Variants in GSDMC observed in about 807,000 individuals in gnomAD.
GSDMC encodes the protein gasdermin-C.
GSDMC carries 59 observed loss-of-function variants against 58.0 expected under a neutral mutation model. The ratio of observed to expected loss-of-function variants is 1.02; its 90% CI spans 0.82 to 1.26. The LOEUF is 1.26. Ranked by LOEUF, GSDMC falls within the 50% of genes most tolerant of loss-of-function variation. GSDMC has a pLI of 0.00. For missense variants in GSDMC, 659 were observed against 598.5 expected, an observed-to-expected ratio of 1.10 and a Z score of -1.06; for synonymous variants, 241 against 220.2, an observed-to-expected ratio of 1.09 and a Z score of -0.83.
In GSDMC at chr8:129,776,206, A is replaced by G; in HGVS notation, c.300T>C (p.Gly100=). 1.2e-6 allele frequency: 2 copies of G among 1,613,698 alleles called. No individual in the cohort carries two copies. Among genetic ancestry groups the G allele is most frequent in the Non-Finnish European group, 1.7e-6 (2 of 1,179,624 alleles). Residue 100 remains glycine (G), a synonymous_variant, in exon 3 of 14, where the codon GGT becomes GGC. Coordinates refer to ENST00000276708, the MANE Select transcript of GSDMC (RefSeq NM_031415.3). ...KHKADMGVNV[G]IEVSVSGEAS... is the part of the protein sequence containing the mutation. Reference sequence around the variant, plus strand: ...CCTCCCCTGACACACTCACTTCTATACCAACATTCACACCCATGTCAGCCT... The same window carrying G: ...CCTCCCCTGACACACTCACTTCTATGCCAACATTCACACCCATGTCAGCCT...
rs1231505866 is a variant in GSDMC, at chr8:129,748,572, C to T, written c.1456G>A (p.Val486Ile). 3.7e-6 allele frequency: 6 copies of T among 1,613,810 alleles called. No individual in the cohort carries two copies. Among genetic ancestry groups the T allele is most frequent in the Middle Eastern group, 1.6e-4 (1 of 6,062 alleles). ...GCAGACAGGGGCATCTTTGCTTCTA[C>T]ATCCCAGGTTGACCTGGGGTTATCC... ...ELDNPRSTWD[V>I]EAKMPLSALY... is the part of the protein sequence containing the mutation. Residue 486 changes from valine (V) to isoleucine (I), a missense_variant, in exon 14 of 14, where the codon GTA (valine) becomes ATA (isoleucine). Transcript: ENST00000276708.
At chr8:129,773,812 T>C (rs2034137466) in intron 3 of GSDMC, among the ~76,000 whole-genome samples, 1 of 149,920 alleles carries the variant, frequency 6.7e-6, no homozygotes, top group African/African-American at 2.4e-5. Flanking sequence ...AGTCCGTTTA[T>C]AATAGCATCA....
chr8:129,757,499 A>G (rs1190701508), intron 6 of GSDMC, among the ~76,000 whole-genome samples: 1 of 152,048 alleles, frequency 6.6e-6, no homozygotes, highest in Middle Eastern at 3.2e-3. Flanking sequence ...TACTAGTCCT[A>G]CTCAAACTAC....
the GSDMC span, among the ~76,000 whole-genome samples, chr8:129,706,227 A>G: frequency 4.6e-5 from 7 of 152,202 alleles, no homozygotes; most frequent in Non-Finnish European, 7.3e-5. Flanking sequence ...CCACCAAAAA[A>G]AGTCAGAGGA....
the GSDMC span, chr8:129,728,818 G>A: frequency 3.0e-5 from 17 of 560,556 alleles, no homozygotes; most frequent in Admixed American, 5.5e-5. Context: ...CCAGGCGGAC[G>A]GACCCTGAGC....
downstream of GSDMC, among the ~76,000 whole-genome samples, chr8:129,744,064 A>G (rs537622011): frequency 1.3e-5 from 1 of 76,686 alleles, no homozygotes; most frequent in East Asian, 6.4e-4. Flanking sequence ...CTTTCCTAGA[A>G]CTCTGCCCTA....
At chr8:129,748,150 T>A (rs1371612615), downstream of GSDMC, 2 of 164,922 alleles carry the variant, frequency 1.2e-5, no homozygotes, top group Non-Finnish European at 2.6e-5. Flanking sequence ...AAGTTACCGT[T>A]ATCGGTACAC....
chr8:129,715,151 G>T, the GSDMC span, among the ~76,000 whole-genome samples: 8 of 152,134 alleles, frequency 5.3e-5, no homozygotes, highest in Non-Finnish European at 1.5e-5. Flanking sequence ...GTCATAAACA[G>T]TGTCTCTTCC....
chr8:129,749,997 G>C lies in GSDMC; in HGVS notation c.1206C>G (p.Ala402=). The part of the protein sequence containing the change: ...PKDPILYLLE[A]IMVLSDFQHD... Reference sequence around the variant, plus strand: ...CCCTTTAATTACTCTTACCCATTATGGCTTCAAGGAGATAAAGAATGGGGT... The same window carrying C: ...CCCTTTAATTACTCTTACCCATTATCGCTTCAAGGAGATAAAGAATGGGGT... The change falls in exon 12 of 14, where the codon GCC becomes GCG. Residue 402 remains alanine, a synonymous_variant. Transcript: ENST00000276708. 1 of 1,595,138 alleles carries C rather than the reference G, an allele frequency of 6.3e-7. No individual in the cohort carries two copies. Among genetic ancestry groups the C allele is most frequent in the Non-Finnish European group, 8.5e-7 (1 of 1,174,624 alleles).
the GSDMC span, among the ~76,000 whole-genome samples, chr8:129,740,122 T>C: frequency 2.6e-5 from 4 of 152,346 alleles, no homozygotes; most frequent in Non-Finnish European, 4.4e-5. Context: ...GAAAATGTTA[T>C]GTACAGCTTT....
At chr8:129,746,739 A>G (rs1401862397), downstream of GSDMC, among the ~76,000 whole-genome samples, 1 of 152,176 alleles carries the variant, frequency 6.6e-6, no homozygotes, top group Non-Finnish European at 1.5e-5. Context: ...CAATAAGTCA[A>G]CGGGAGACCT....
chr8:129,728,817 C>T, the GSDMC span: 23 of 558,440 alleles, frequency 4.1e-5, no homozygotes, highest in South Asian at 2.2e-4. Flanking sequence ...CCCAGGCGGA[C>T]GGACCCTGAG....
chr8:129,729,565 G>T, the GSDMC span, among the ~76,000 whole-genome samples: 4 of 152,056 alleles, frequency 2.6e-5, no homozygotes, highest in East Asian at 7.7e-4. Flanking sequence ...GTGGTGTTTG[G>T]TTTTTTGTTC....
At position 129,774,299 on chromosome 8, in the gene GSDMC, A is replaced by G. The variant is rs140944474; in HGVS notation, c.404+1803T>C. On this transcript the variant is annotated intron_variant, in intron 3 of 13. Coordinates refer to ENST00000276708, the MANE Select transcript of GSDMC (RefSeq NM_031415.3). ...AAGCGTGACAAGAAAAGACAGTGAG[A>G]TAAAGGATAGTGTCTTCAAAAAATG... 2.6e-5 allele frequency among the ~76,000 whole-genome samples: 4 copies of G among 152,308 alleles called. No individual in the cohort carries two copies. In the East Asian group the frequency reaches 7.7e-4, roughly 29 times the overall value.
chr8:129,729,294 G>A, the GSDMC span: 17 of 587,186 alleles, frequency 2.9e-5, no homozygotes, highest in Non-Finnish European at 4.8e-5. Context: ...GAAGCCTATA[G>A]GCACATGAAA....
At chr8:129,766,161 G>A (rs1471933617) in intron 3 of GSDMC, among the ~76,000 whole-genome samples, 1 of 152,180 alleles carries the variant, frequency 6.6e-6, no homozygotes, top group Non-Finnish European at 1.5e-5. Flanking sequence ...AGGAGGTCCT[G>A]TTGTCAAAGC....
At chr8:129,737,547 T>C in the GSDMC span, among the ~76,000 whole-genome samples, 1 of 152,160 alleles carries the variant, frequency 6.6e-6, no homozygotes, top group Non-Finnish European at 1.5e-5. Context: ...GGGAAAGAAT[T>C]CTCTATTTAA....
intron 6 of GSDMC, among the ~76,000 whole-genome samples, chr8:129,753,574 G>A (rs1349199432): frequency 6.6e-6 from 1 of 152,198 alleles, no homozygotes; most frequent in Non-Finnish European, 1.5e-5. Flanking sequence ...CCCAGCTGCG[G>A]TGGCTATGGT....
At chr8:129,752,062 G>A (rs2033222689) in intron 8 of GSDMC, 44 bp downstream of exon 8, 2 of 1,580,548 alleles carry the variant, frequency 1.3e-6, no homozygotes, top group African/African-American at 2.7e-5. Flanking sequence ...GTGGTTTTTT[G>A]TTGTGCAGAT....
Sources: gnomAD v4.1 joint callset for allele counts (sites outside exome capture counted in the v4.1 genomes callset) on GRCh38, gnomAD v4.1.1 for gene constraint, MANE v1.5 for transcripts, NCBI Gene and HGNC (gene_info 2026-07-23, HGNC 2026-07-21) for gene names.